Variants in VRK2 observed in about 807,000 individuals in gnomAD.
VRK2 encodes the protein serine/threonine-protein kinase VRK2.
In VRK2, 60 loss-of-function variants were observed where a neutral mutation model predicts 57.6. That is an observed-to-expected ratio of 1.04 (90% CI 0.85 to 1.29). The LOEUF is 1.29. VRK2 is among the 50% of genes most tolerant of loss of function. The pLI, the probability that VRK2 is intolerant of heterozygous loss-of-function variation, is 0.00. For missense variants in VRK2, 705 were observed against 588.1 expected, an observed-to-expected ratio of 1.20 and a Z score of -2.06; for synonymous variants, 231 against 199.2, an observed-to-expected ratio of 1.16 and a Z score of -1.35.
intron 1 of VRK2, among the ~76,000 whole-genome samples, chr2:58,004,386 T>G (rs1425973793): frequency 6.6e-6 from 1 of 152,154 alleles, no homozygotes; most frequent in African/African-American, 2.4e-5. Context: ...ATTTCCTTCT[T>G]TCAGGACTTG....
At chr2:57,985,016 T>A (rs1434222684) in intron 1 of VRK2, among the ~76,000 whole-genome samples, 1 of 152,002 alleles carries the variant, frequency 6.6e-6, no homozygotes, top group East Asian at 1.9e-4. Flanking sequence ...ATTAAGTCAT[T>A]ACGCAAATTT....
At chr2:58,140,149 T>G (rs1421276478) in intron 11 of VRK2, among the ~76,000 whole-genome samples, 1 of 152,056 alleles carries the variant, frequency 6.6e-6, no homozygotes, top group African/African-American at 2.4e-5. Context: ...TCTCCAGGTT[T>G]TCTTTAGATA....
At chr2:57,986,651 T>C (rs1366158712) in intron 1 of VRK2, among the ~76,000 whole-genome samples, 1 of 143,500 alleles carries the variant, frequency 7.0e-6, no homozygotes, top group Non-Finnish European at 1.5e-5. Flanking sequence ...CAGGCTGGAG[T>C]GCAGTGGCAC....
intron 1 of VRK2, among the ~76,000 whole-genome samples, chr2:57,964,598 T>C (rs1456312326): frequency 6.6e-6 from 1 of 152,134 alleles, no homozygotes; most frequent in Non-Finnish European, 1.5e-5. Flanking sequence ...TAACTGTCAC[T>C]ATAGGCCAGG....
chr2:58,105,359 AT>A lies in VRK2; in HGVS notation c.543+15637del, dbSNP rs542222230. Reference sequence around the variant, plus strand: ...ATAAGGAACTTGACAAGAAAAAAAAATAACCCCATTAAAAGATGGGCAAAAG... The same window carrying A: ...ATAAGGAACTTGACAAGAAAAAAAAAAACCCCATTAAAAGATGGGCAAAAG... On this transcript the variant is annotated intron_variant, in intron 7 of 12. Transcript: ENST00000340157. 2.2e-3 allele frequency among the ~76,000 whole-genome samples: 339 copies of A among 151,936 alleles called. 1 individual carries two copies. The highest frequency in any genetic ancestry group is 4.1e-3 in the Non-Finnish European group (277 of 67,816).
intron 8 of VRK2, among the ~76,000 whole-genome samples, 163 bp downstream of exon 8, chr2:58,123,396 T>G (rs184780330): frequency 3.9e-4 from 60 of 152,320 alleles, no homozygotes; most frequent in African/African-American, 1.1e-3. Flanking sequence ...CAATGAATAT[T>G]TCTTCTAACA....
intron 2 of VRK2, among the ~76,000 whole-genome samples, chr2:58,060,202 G>A (rs945033891): frequency 1.3e-4 from 20 of 151,828 alleles, no homozygotes; most frequent in Admixed American, 2.6e-4. Context: ...TAGCTAACAG[G>A]TAAATGTTGC....
chr2:57,927,687 TA>T (rs1047650040), intron 1 of VRK2, among the ~76,000 whole-genome samples: 2 of 152,218 alleles, frequency 1.3e-5, no homozygotes, highest in African/African-American at 4.8e-5. Context: ...TTTTTCAGAT[TA>T]AAAAACTCCC....
chr2:58,020,110 T>C (rs892962085), intron 1 of VRK2, among the ~76,000 whole-genome samples: 6 of 152,324 alleles, frequency 3.9e-5, no homozygotes, highest in African/African-American at 1.4e-4. Flanking sequence ...AATTAACAGA[T>C]CTGGTCAACT....
At chr2:58,098,341 G>T (rs967750287) in intron 7 of VRK2, among the ~76,000 whole-genome samples, 1 of 152,026 alleles carries the variant, frequency 6.6e-6, no homozygotes, top group African/African-American at 2.4e-5. Flanking sequence ...TAGCCTACGT[G>T]TACAGTGTTT....
chr2:58,136,907 A>AT (rs1553421766), intron 10 of VRK2, among the ~76,000 whole-genome samples: 11 of 127,586 alleles, frequency 8.6e-5, no homozygotes, highest in East Asian at 6.3e-4. Context: ...TATATATCAT[A>AT]TATATATCAT....
chr2:58,123,362 A>G (rs747696524), intron 8 of VRK2, 129 bp downstream of exon 8: 123 of 1,098,906 alleles, frequency 1.1e-4, no homozygotes, highest in Non-Finnish European at 1.4e-4. Context: ...GGTTTTTATC[A>G]AAAGTAATGA....
chr2:57,948,381 G>C (rs1671325018), intron 1 of VRK2, among the ~76,000 whole-genome samples: 1 of 152,148 alleles, frequency 6.6e-6, no homozygotes, highest in Admixed American at 6.5e-5. Flanking sequence ...GGGAAGGAAA[G>C]AAAGGCAAGT....
intron 1 of VRK2, among the ~76,000 whole-genome samples, chr2:57,920,833 G>A (rs369400137): frequency 6.6e-6 from 1 of 152,108 alleles, no homozygotes; most frequent in African/African-American, 2.4e-5. Flanking sequence ...GCTGGGTGTA[G>A]GTGGCTGCCT....
At chr2:57,967,842 G>C (rs925627926) in intron 1 of VRK2, among the ~76,000 whole-genome samples, 1 of 151,976 alleles carries the variant, frequency 6.6e-6, no homozygotes, top group Non-Finnish European at 1.5e-5. Flanking sequence ...AAGGGAATTA[G>C]AAAAAAATCT....
chr2:57,948,632 G>T (rs1051127080), intron 1 of VRK2, among the ~76,000 whole-genome samples: 1 of 152,068 alleles, frequency 6.6e-6, no homozygotes, highest in Non-Finnish European at 1.5e-5. Context: ...GTGACACATT[G>T]ATCAGAATAA....
At chr2:57,936,527 T>G (rs1433533211) in intron 1 of VRK2, among the ~76,000 whole-genome samples, 2 of 148,328 alleles carry the variant, frequency 1.3e-5, no homozygotes, top group African/African-American at 5.1e-5. Context: ...TGTTTTGTTT[T>G]TTTGTTTTTT....
chr2:57,993,159 G>A (rs1239613029), intron 1 of VRK2, among the ~76,000 whole-genome samples: 2 of 152,182 alleles, frequency 1.3e-5, no homozygotes, highest in African/African-American at 4.8e-5. Context: ...TTCCTGGGAA[G>A]GTTAGATACA....
intron 1 of VRK2, among the ~76,000 whole-genome samples, chr2:57,913,726 C>G (rs1670062063): frequency 6.6e-6 from 1 of 152,036 alleles, no homozygotes; most frequent in African/African-American, 2.4e-5. Context: ...TATACATACT[C>G]TTTGCATGTT....
Sources: gnomAD v4.1 joint callset for allele counts (sites outside exome capture counted in the v4.1 genomes callset) on GRCh38, gnomAD v4.1.1 for gene constraint, MANE v1.5 for transcripts, NCBI Gene and HGNC (gene_info 2026-07-23, HGNC 2026-07-21) for gene names.